Variants in PCSK5 observed in about 807,000 individuals in gnomAD.
PCSK5 encodes prohormone convertase 5.
Under a neutral mutation model 233.2 loss-of-function variants are expected in PCSK5, and 129 were observed. The ratio of observed to expected loss-of-function variants is 0.55; its 90% CI spans 0.48 to 0.64. PCSK5 has a LOEUF of 0.64. PCSK5 is among the 30% of genes least tolerant of loss of function. The pLI, the probability that PCSK5 is intolerant of heterozygous loss-of-function variation, is 0.00. For missense variants in PCSK5, 2,076 were observed against 2,430.1 expected, an observed-to-expected ratio of 0.85 and a Z score of 3.06; for synonymous variants, 825 against 879.2, an observed-to-expected ratio of 0.94 and a Z score of 1.09.
intron 9 of PCSK5, among the ~76,000 whole-genome samples, chr9:76,127,781 G>C (rs10512054): frequency 0.65 from 99,262 of 152,000 alleles, 32,437 homozygotes; most frequent in East Asian, 0.71. Context: ...GGTAGCCTAT[G>C]ATATGCCAAG....
intron 30 of PCSK5, among the ~76,000 whole-genome samples, chr9:76,318,348 G>C (rs915463509): frequency 2.6e-5 from 4 of 152,042 alleles, no homozygotes; most frequent in African/African-American, 9.6e-5. Flanking sequence ...GAGAGCATTA[G>C]GAGAAATACC....
chr9:76,257,371 A>C (rs1367970089), intron 24 of PCSK5, among the ~76,000 whole-genome samples: 1 of 152,212 alleles, frequency 6.6e-6, no homozygotes, highest in Non-Finnish European at 1.5e-5. Context: ...ATAAGACAGG[A>C]GCATCTGCAT....
In PCSK5 at chr9:75,902,550, G is replaced by C. The variant is rs571231806; in HGVS notation, c.192+11177G>C. Among the ~76,000 whole-genome samples the C allele has an allele frequency of 2.7e-4, 41 of 152,316 alleles. No individual in the cohort carries two copies. In the South Asian group the frequency reaches 8.3e-3, roughly 31 times the overall value. On this transcript the variant is annotated intron_variant, in intron 1 of 37. Transcript: ENST00000674117. ...TTTTTGTAAGCTACTAGCTAGAGTT[G>C]TTCTGCTCAATGATAAGGTCCAGGG...
At chr9:76,344,976 T>C (rs1455640934) in intron 35 of PCSK5, among the ~76,000 whole-genome samples, 1 of 152,102 alleles carries the variant, frequency 6.6e-6, no homozygotes, top group Non-Finnish European at 1.5e-5. Flanking sequence ...AAACAACAAA[T>C]TTTTTTCAAC....
chr9:76,001,291 CAT>C (rs953835609), intron 3 of PCSK5, among the ~76,000 whole-genome samples: 10 of 152,206 alleles, frequency 6.6e-5, no homozygotes, highest in East Asian at 1.9e-4. Flanking sequence ...GTATCCCACA[CAT>C]GTCATGTGGT....
At chr9:75,981,364 C>T (rs1034565362) in intron 2 of PCSK5, among the ~76,000 whole-genome samples, 3 of 152,190 alleles carry the variant, frequency 2.0e-5, no homozygotes, top group Admixed American at 1.3e-4. Context: ...TGCAAGATCA[C>T]ATAGGTGACT....
At chr9:75,963,822 T>C (rs1825460165) in intron 2 of PCSK5, among the ~76,000 whole-genome samples, 1 of 152,146 alleles carries the variant, frequency 6.6e-6, no homozygotes, top group African/African-American at 2.4e-5. Flanking sequence ...AAGGTTGCAG[T>C]GAGCCGAAAT....
intron 2 of PCSK5, among the ~76,000 whole-genome samples, chr9:75,941,287 G>A (rs2131301520): frequency 6.6e-6 from 1 of 152,194 alleles, no homozygotes; most frequent in African/African-American, 2.4e-5. Context: ...CAGCTGTGTG[G>A]GCTGATCCAG....
chr9:76,162,473 G>A (rs963823159), intron 12 of PCSK5, among the ~76,000 whole-genome samples: 2 of 152,058 alleles, frequency 1.3e-5, no homozygotes, highest in Non-Finnish European at 2.9e-5. Context: ...GAGAGGAGGT[G>A]AAGCAAAGGC....
intron 3 of PCSK5, among the ~76,000 whole-genome samples, chr9:75,989,470 G>A (rs537618630): frequency 1.3e-5 from 2 of 150,378 alleles, no homozygotes; most frequent in Non-Finnish European, 3.0e-5. Context: ...CTCCAGCCTG[G>A]GTGACAGAAT....
At chr9:75,916,332 G>A (rs573242514) in intron 1 of PCSK5, among the ~76,000 whole-genome samples, 12 of 152,008 alleles carry the variant, frequency 7.9e-5, no homozygotes, top group African/African-American at 2.7e-4. Context: ...TGAATTTAGC[G>A]GTGCCTCAGT....
At chr9:75,918,119 A>G (rs1173990820) in intron 1 of PCSK5, among the ~76,000 whole-genome samples, 1 of 152,198 alleles carries the variant, frequency 6.6e-6, no homozygotes, top group Non-Finnish European at 1.5e-5. Context: ...TTGAGTTTGG[A>G]TAAAACTCTT....
intron 25 of PCSK5, among the ~76,000 whole-genome samples, chr9:76,294,528 C>T (rs1356163990): frequency 6.6e-6 from 1 of 152,168 alleles, no homozygotes; most frequent in African/African-American, 2.4e-5. Flanking sequence ...ACACAAGCAA[C>T]CTTTTCACAC....
chr9:76,192,967 T>G (rs1024377257), intron 20 of PCSK5, among the ~76,000 whole-genome samples: 1 of 136,294 alleles, frequency 7.3e-6, no homozygotes. Flanking sequence ...GATTTCTAAT[T>G]TATTCTTTTT....
intron 27 of PCSK5, among the ~76,000 whole-genome samples, chr9:76,297,656 G>C (rs181552112): frequency 1.2e-3 from 179 of 152,286 alleles, no homozygotes; most frequent in African/African-American, 4.0e-3. Flanking sequence ...GGAAAAATCT[G>C]ACTCATGTTC....
At chr9:76,189,315 A>G in intron 19 of PCSK5, 92 bp downstream of exon 19, 1 of 1,090,974 alleles carries the variant, frequency 9.2e-7, no homozygotes, top group Non-Finnish European at 1.3e-6. Flanking sequence ...TAGAATTTGT[A>G]ATGATAACAC....
intron 24 of PCSK5, among the ~76,000 whole-genome samples, chr9:76,290,213 A>G (rs988505679): frequency 2.0e-5 from 3 of 152,198 alleles, no homozygotes; most frequent in African/African-American, 7.2e-5. Context: ...TGGAAAATGA[A>G]CTAGTCCAGG....
chr9:76,284,101 A>C (rs1353410266), intron 24 of PCSK5, among the ~76,000 whole-genome samples: 1 of 151,160 alleles, frequency 6.6e-6, no homozygotes, highest in Non-Finnish European at 1.5e-5. Flanking sequence ...AGGAAAAATA[A>C]TTTATTTAGG....
intron 24 of PCSK5, among the ~76,000 whole-genome samples, chr9:76,281,791 G>A (rs577700094): frequency 4.7e-4 from 71 of 152,048 alleles, no homozygotes; most frequent in Non-Finnish European, 8.7e-4. Flanking sequence ...TAGAACTACA[G>A]GTGTATGCCA....
Sources: gnomAD v4.1 joint callset for allele counts (sites outside exome capture counted in the v4.1 genomes callset) on GRCh38, gnomAD v4.1.1 for gene constraint, MANE v1.5 for transcripts, NCBI Gene and HGNC (gene_info 2026-07-23, HGNC 2026-07-21) for gene names.